Variants in CENPW observed in about 807,000 individuals in gnomAD.
CENPW encodes the protein centromere protein W.
Under a neutral mutation model 11.1 loss-of-function variants are expected in CENPW, and 3 were observed. The observed-to-expected ratio is 0.27, with a 90% confidence interval of 0.12 to 0.70. The LOEUF is 0.70. Among genes scored for constraint, CENPW ranks in the 30% least tolerant of loss-of-function variants. The probability of loss-of-function intolerance (pLI) is 0.77; values close to 1 mark genes in which losing one functional copy is unlikely to be tolerated. For synonymous variants in CENPW, 38 were observed against 42.0 expected (o/e 0.91, Z 0.37); for missense variants, 100 against 105.6 (o/e 0.95, Z 0.23).
chr6:126,430,420 TAA>T, the CENPW span, among the ~76,000 whole-genome samples: 5 of 152,166 alleles, frequency 3.3e-5, no homozygotes, highest in African/African-American at 1.2e-4. Context: ...TCAAATAAAA[TAA>T]AAAAGACATA....
chr6:126,441,317 T>C, the CENPW span, among the ~76,000 whole-genome samples: 23 of 151,424 alleles, frequency 1.5e-4, no homozygotes, highest in Non-Finnish European at 2.8e-4. Flanking sequence ...GGCATTTTCC[T>C]TGGATGCTCT....
intron 1 of CENPW, among the ~76,000 whole-genome samples, chr6:126,344,026 A>T (rs571134196): frequency 1.3e-5 from 2 of 149,694 alleles, no homozygotes; most frequent in Non-Finnish European, 2.9e-5. Context: ...GGTCTGATTT[A>T]AAAAAAAATT....
chr6:126,452,167 T>C, the CENPW span, among the ~76,000 whole-genome samples: 2 of 151,192 alleles, frequency 1.3e-5, no homozygotes, highest in Non-Finnish European at 1.5e-5. Context: ...ACATTTTCAA[T>C]GAGATTTAAG....
chr6:126,449,491 T>C, the CENPW span, among the ~76,000 whole-genome samples: 2 of 151,158 alleles, frequency 1.3e-5, no homozygotes, highest in Admixed American at 6.6e-5. Flanking sequence ...CTTTAGTGTA[T>C]TGCTAACCAA....
chr6:126,408,155 T>C, the CENPW span, among the ~76,000 whole-genome samples: 1 of 152,072 alleles, frequency 6.6e-6, no homozygotes, highest in Non-Finnish European at 1.5e-5. Flanking sequence ...AATTAATAAA[T>C]GGTGCTGGGA....
At chr6:126,469,326 G>T in the CENPW span, among the ~76,000 whole-genome samples, 1 of 152,054 alleles carries the variant, frequency 6.6e-6, no homozygotes, top group Non-Finnish European at 1.5e-5. Flanking sequence ...GTCTCCTACC[G>T]CCTTATGAAG....
the CENPW span, among the ~76,000 whole-genome samples, chr6:126,478,141 T>C: frequency 3.3e-5 from 5 of 152,004 alleles, no homozygotes; most frequent in African/African-American, 1.2e-4. Context: ...TTCTTCCTTA[T>C]TCTGATTACA....
the CENPW span, among the ~76,000 whole-genome samples, chr6:126,445,777 T>TA: frequency 2.0e-5 from 3 of 151,132 alleles, no homozygotes; most frequent in Non-Finnish European, 4.4e-5. Context: ...TTCTTTAAAT[T>TA]AAAAAAATGT....
At chr6:126,442,739 A>G in the CENPW span, among the ~76,000 whole-genome samples, 1 of 151,270 alleles carries the variant, frequency 6.6e-6, no homozygotes, top group African/African-American at 2.4e-5. Context: ...TAAGTCAAAA[A>G]GAGATCATTT....
chr6:126,396,406 T>G, the CENPW span, among the ~76,000 whole-genome samples: 2 of 152,088 alleles, frequency 1.3e-5, no homozygotes, highest in Non-Finnish European at 2.9e-5. Flanking sequence ...TCAGTCAACT[T>G]GTGTTGAATG....
the CENPW span, among the ~76,000 whole-genome samples, chr6:126,416,060 A>G: frequency 5.9e-5 from 9 of 152,180 alleles, no homozygotes; most frequent in Non-Finnish European, 8.8e-5. Flanking sequence ...GACTTGTTGA[A>G]TGGTTTGACC....
At chr6:126,482,198 A>C in the CENPW span, among the ~76,000 whole-genome samples, 1 of 152,106 alleles carries the variant, frequency 6.6e-6, no homozygotes, top group Admixed American at 6.5e-5. Flanking sequence ...TGTTTGATCA[A>C]GTTTGATTTT....
the CENPW span, among the ~76,000 whole-genome samples, chr6:126,482,374 A>G: frequency 1.3e-5 from 2 of 151,964 alleles, no homozygotes; most frequent in African/African-American, 4.8e-5. Context: ...AGATATAATA[A>G]AAGTTTAATA....
At chr6:126,402,287 C>G in the CENPW span, among the ~76,000 whole-genome samples, 14 of 151,326 alleles carry the variant, frequency 9.3e-5, 1 homozygote, top group South Asian at 2.9e-3. Flanking sequence ...TTTTTCTCTC[C>G]CCTTCCTCCA....
the CENPW span, among the ~76,000 whole-genome samples, chr6:126,382,242 A>AT: frequency 4.6e-5 from 7 of 151,576 alleles, no homozygotes; most frequent in African/African-American, 7.2e-5. Flanking sequence ...TCTCAAAAAA[A>AT]ATATATATAT....
At chr6:126,368,584 T>C in the CENPW span, among the ~76,000 whole-genome samples, 2 of 151,952 alleles carry the variant, frequency 1.3e-5, no homozygotes, top group Admixed American at 6.6e-5. Flanking sequence ...ATAAATTCTT[T>C]AGTGGTGATG....
chr6:126,451,502 T>G, the CENPW span, among the ~76,000 whole-genome samples: 1 of 151,128 alleles, frequency 6.6e-6, no homozygotes, highest in Non-Finnish European at 1.5e-5. Context: ...AACTTCTTAA[T>G]CTCAGAAAGA....
chr6:126,370,754 CTT>C, the CENPW span, among the ~76,000 whole-genome samples: 3 of 144,462 alleles, frequency 2.1e-5, no homozygotes, highest in African/African-American at 2.5e-5. Context: ...CAGTTTATTT[CTT>C]TTTTTTTTTT....
downstream of CENPW, among the ~76,000 whole-genome samples, chr6:126,349,583 C>A (rs1477414586): frequency 1.3e-5 from 2 of 152,040 alleles, no homozygotes; most frequent in Non-Finnish European, 2.9e-5. Flanking sequence ...GGATTTTTTT[C>A]ACTCAGTATA....
Sources: allele counts gnomAD v4.1 joint callset (sites outside exome capture counted in the v4.1 genomes callset), GRCh38; gene constraint gnomAD v4.1.1; transcripts MANE v1.5; gene names NCBI Gene and HGNC (gene_info 2026-07-23, HGNC 2026-07-21).